DMD: variants seen among roughly 807,000 people sequenced by gnomAD.
DMD encodes the protein dystrophin.
In DMD, 63 loss-of-function variants were observed where a neutral mutation model predicts 330.1. The ratio of observed to expected loss-of-function variants is 0.19; its 90% CI spans 0.16 to 0.24. DMD has a LOEUF of 0.24. Among genes scored for constraint, DMD ranks in the 10% least tolerant of loss-of-function variants. The pLI is 1.00. For synonymous variants in DMD, 1,223 were observed against 959.8 expected (o/e 1.27, Z -5.07); for missense variants, 3,344 against 2,684.1 (o/e 1.25, Z -5.43).
intron 7 of DMD, among the ~76,000 whole-genome samples, chrX:32,711,541 G>T (rs762415387): frequency 5.4e-4 from 60 of 111,656 alleles, no homozygotes; most frequent in Middle Eastern, 4.6e-3. Context: ...GAGTTCAACC[G>T]TTAGTTGTCT....
At chrX:33,004,621 G>GT (rs1384875399) in intron 2 of DMD, among the ~76,000 whole-genome samples, 1 of 109,861 alleles carries the variant, frequency 9.1e-6, no homozygotes, top group African/African-American at 3.3e-5. Context: ...TTTTACTTGT[G>GT]TATTTTTTTA....
chrX:32,496,591 G>T (rs997541662), intron 19 of DMD, among the ~76,000 whole-genome samples: 7 of 110,975 alleles, frequency 6.3e-5, no homozygotes, highest in Non-Finnish European at 1.3e-4. Context: ...TATTTGTTTT[G>T]GCCACTCATT....
At chrX:33,183,036 T>C (rs1430304563) in intron 1 of DMD, among the ~76,000 whole-genome samples, 1 of 112,083 alleles carries the variant, frequency 8.9e-6, no homozygotes, top group Non-Finnish European at 1.9e-5. Context: ...GATGATTTTT[T>C]ATAGTGATGT....
chrX:32,703,512 T>C (rs1004847857), intron 7 of DMD, among the ~76,000 whole-genome samples: 1 of 111,990 alleles, frequency 8.9e-6, no homozygotes, highest in African/African-American at 3.2e-5. Context: ...TAAGTGATTG[T>C]CATGTGCTAT....
At chrX:31,733,769 T>C (rs919682859) in intron 51 of DMD, among the ~76,000 whole-genome samples, 8 of 111,642 alleles carry the variant, frequency 7.2e-5, no homozygotes, top group Non-Finnish European at 1.1e-4. Flanking sequence ...GCTTCTATTC[T>C]TGCATTCGGC....
At chrX:33,237,404 C>T (rs972251038) in intron 1 of DMD, among the ~76,000 whole-genome samples, 12 of 109,633 alleles carry the variant, frequency 1.1e-4, no homozygotes, top group Non-Finnish European at 1.3e-4. Context: ...CCACCACGCC[C>T]GGCTAATTTT....
At chrX:32,250,351 A>G (rs867835258) in intron 43 of DMD, among the ~76,000 whole-genome samples, 1 of 112,049 alleles carries the variant, frequency 8.9e-6, no homozygotes, top group African/African-American at 3.2e-5. Context: ...CATAATAAAA[A>G]TGGTAAATGT....
intron 26 of DMD, among the ~76,000 whole-genome samples, chrX:32,452,032 T>C (rs1422328517): frequency 1.8e-5 from 2 of 109,500 alleles, no homozygotes; most frequent in Non-Finnish European, 3.8e-5. Flanking sequence ...CAGTTTACTC[T>C]AGAGCACAGG....
rs992913753 is a variant in DMD, at chrX:31,207,104, A to T, written c.9564-437T>A. Among the ~76,000 whole-genome samples the T allele has an allele frequency of 5.0e-4, 56 of 111,891 alleles. No homozygotes were observed. Among genetic ancestry groups the T allele is most frequent in the African/African-American group, 1.7e-3 (53 of 30,799 alleles). ...ATGGAAGCCAAAAAAATTACCAGCA[A>T]CTAACTGCTCAGCCCTCTTAAATGC... is the stretch of plus-strand genomic sequence containing the variant. On this transcript the variant is annotated intron_variant, in intron 65 of 78. Coordinates refer to ENST00000357033, the MANE Select transcript of DMD (RefSeq NM_004006.3).
chrX:33,237,913 T>A (rs1206105752), intron 1 of DMD, among the ~76,000 whole-genome samples: 2 of 112,235 alleles, frequency 1.8e-5, no homozygotes, highest in African/African-American at 3.2e-5. Flanking sequence ...ATGGTATCTA[T>A]AATAAGCCTA....
At chrX:31,146,890 T>C (rs2036767644) in intron 75 of DMD, among the ~76,000 whole-genome samples, 1 of 111,789 alleles carries the variant, frequency 8.9e-6, no homozygotes. Flanking sequence ...CTTAAAGAAC[T>C]ATGTGTTAGG....
chrX:32,530,387 T>C (rs1306691102), intron 17 of DMD, among the ~76,000 whole-genome samples: 1 of 112,272 alleles, frequency 8.9e-6, no homozygotes, highest in African/African-American at 3.2e-5. Context: ...CTGCACAAAG[T>C]AAAACTTACC....
At chrX:31,526,254 T>G (rs5972397) in intron 55 of DMD, among the ~76,000 whole-genome samples, 13,516 of 111,961 alleles carry the variant, frequency 0.12, 841 homozygotes, top group African/African-American at 0.22. Flanking sequence ...AGAGGCAGTT[T>G]TACTTTTCAT....
intron 7 of DMD, among the ~76,000 whole-genome samples, chrX:32,808,328 G>T (rs985391337): frequency 1.8e-5 from 2 of 112,220 alleles, no homozygotes; most frequent in African/African-American, 3.2e-5. Flanking sequence ...GCTTTCCCAA[G>T]TACATGTGCT....
chrX:31,327,982 AT>A (rs764912663), intron 61 of DMD, among the ~76,000 whole-genome samples: 5 of 112,583 alleles, frequency 4.4e-5, no homozygotes, highest in African/African-American at 1.6e-4. Flanking sequence ...TGGTATCAAC[AT>A]TTGTGTACAG....
intron 1 of DMD, among the ~76,000 whole-genome samples, chrX:33,075,016 C>T (rs757559578): frequency 4.7e-4 from 53 of 111,890 alleles, no homozygotes; most frequent in African/African-American, 1.5e-3. Context: ...ATAGGGGAAA[C>T]TAAATTCTGC....
chrX:32,328,312 GAAAATAT>G (rs1329148295), intron 41 of DMD, among the ~76,000 whole-genome samples: 2 of 111,743 alleles, frequency 1.8e-5, no homozygotes, highest in Non-Finnish European at 3.8e-5. Flanking sequence ...TCCAGAGGAT[GAAAATAT>G]TTATACACAA....
intron 51 of DMD, among the ~76,000 whole-genome samples, chrX:31,746,858 A>T (rs1416317997): frequency 9.0e-6 from 1 of 110,935 alleles, no homozygotes; most frequent in Non-Finnish European, 1.9e-5. Context: ...ATAAATATAT[A>T]TCCTAAATTT....
At chrX:32,215,294 G>T (rs773660782) in intron 44 of DMD, among the ~76,000 whole-genome samples, 1 of 111,348 alleles carries the variant, frequency 9.0e-6, no homozygotes, top group South Asian at 3.7e-4. Flanking sequence ...TAAAAAAATG[G>T]TTGAAAGGTT....
Sources: gnomAD v4.1 joint callset for allele counts (sites outside exome capture counted in the v4.1 genomes callset) on GRCh38, gnomAD v4.1.1 for gene constraint, MANE v1.5 for transcripts, NCBI Gene and HGNC (gene_info 2026-07-23, HGNC 2026-07-21) for gene names.